LINGO2: variants seen among roughly 807,000 people sequenced by gnomAD.
The protein encoded by LINGO2 is leucine-rich repeat and immunoglobulin-like domain-containing nogo receptor-interacting protein 2.
Under a neutral mutation model 30.6 loss-of-function variants are expected in LINGO2, and 14 were observed. The observed-to-expected ratio is 0.46, with a 90% CI of 0.30 to 0.72. LINGO2 has a LOEUF of 0.72. Among genes scored for constraint, LINGO2 ranks in the 30% least tolerant of loss-of-function variants. The pLI, the probability that LINGO2 is intolerant of heterozygous loss-of-function variation, is 0.07. For synonymous variants in LINGO2, 317 were observed against 288.5 expected (o/e 1.10, Z -1.00); for missense variants, 729 against 751.7 (o/e 0.97, Z 0.35).
chr9:28,174,325 C>G (rs1311158625), intron 4 of LINGO2, among the ~76,000 whole-genome samples: 1 of 152,196 alleles, frequency 6.6e-6, no homozygotes, highest in Non-Finnish European at 1.5e-5. Flanking sequence ...TCAAAGCATA[C>G]TGGGTCAGAA....
chr9:28,657,043 A>C (rs1828375681), intron 1 of LINGO2, among the ~76,000 whole-genome samples: 1 of 152,104 alleles, frequency 6.6e-6, no homozygotes, highest in South Asian at 2.1e-4. Context: ...TTATGTGACA[A>C]CTGTTTGAAG....
At chr9:28,011,042 G>T (rs13295765) in intron 5 of LINGO2, among the ~76,000 whole-genome samples, 28 of 152,030 alleles carry the variant, frequency 1.8e-4, no homozygotes, top group African/African-American at 5.3e-4. Flanking sequence ...TAGTCAATTA[G>T]GTACAATAAC....
intron 4 of LINGO2, among the ~76,000 whole-genome samples, chr9:28,091,377 A>G (rs1826080650): frequency 6.6e-6 from 1 of 152,214 alleles, no homozygotes; most frequent in Non-Finnish European, 1.5e-5. Context: ...ATGTAGACCA[A>G]TGGAACAGAA....
At chr9:28,479,897 GTATATATACGTAGGTA>G (rs1825874148) in intron 1 of LINGO2, among the ~76,000 whole-genome samples, 1 of 104,426 alleles carries the variant, frequency 9.6e-6, no homozygotes. Context: ...GTGTGTATGT[GTATATATACGTAGGTA>G]TATATATATA....
At chr9:28,807,209 G>C in the LINGO2 span, among the ~76,000 whole-genome samples, 11 of 151,834 alleles carry the variant, frequency 7.2e-5, no homozygotes, top group African/African-American at 2.4e-4. Flanking sequence ...ATTTTTAGTA[G>C]AGACGGGGTT....
At chr9:29,208,624 C>T in the LINGO2 span, among the ~76,000 whole-genome samples, 5 of 152,078 alleles carry the variant, frequency 3.3e-5, no homozygotes, top group South Asian at 8.3e-4. Flanking sequence ...TTCTATCAAG[C>T]GCTACATTTA....
intron 4 of LINGO2, among the ~76,000 whole-genome samples, chr9:28,095,955 C>T (rs1327007264): frequency 1.3e-5 from 2 of 152,122 alleles, no homozygotes; most frequent in Non-Finnish European, 1.5e-5. Flanking sequence ...GCCTGGGCAA[C>T]ATAATGAGAT....
intron 4 of LINGO2, among the ~76,000 whole-genome samples, chr9:28,156,170 T>C (rs1040476036): frequency 3.9e-5 from 6 of 152,206 alleles, no homozygotes; most frequent in African/African-American, 1.4e-4. Flanking sequence ...TTTTTCTCAT[T>C]TCGTCTTATG....
chr9:28,866,345 G>C, the LINGO2 span, among the ~76,000 whole-genome samples: 1 of 151,932 alleles, frequency 6.6e-6, no homozygotes, highest in Non-Finnish European at 1.5e-5. Context: ...TTTTCTACTT[G>C]TGGTCAACAT....
At chr9:28,205,265 C>A (rs1300986420) in intron 4 of LINGO2, among the ~76,000 whole-genome samples, 1 of 152,138 alleles carries the variant, frequency 6.6e-6, no homozygotes, top group Admixed American at 6.5e-5. Context: ...AAGTTCCTCA[C>A]CTGAATGTTT....
chr9:28,911,957 AT>A, the LINGO2 span, among the ~76,000 whole-genome samples: 11 of 152,084 alleles, frequency 7.2e-5, no homozygotes, highest in African/African-American at 2.7e-4. Flanking sequence ...TTTTCTGAAC[AT>A]TTTTCTATAT....
chr9:28,638,542 T>A (rs142134351), intron 1 of LINGO2, among the ~76,000 whole-genome samples: 1 of 152,144 alleles, frequency 6.6e-6, no homozygotes, highest in Admixed American at 6.5e-5. Context: ...CCTGGTTTAG[T>A]CTTGGGAGGG....
At chr9:28,193,062 T>C (rs914256544) in intron 4 of LINGO2, among the ~76,000 whole-genome samples, 22 of 152,202 alleles carry the variant, frequency 1.4e-4, no homozygotes, top group African/African-American at 5.1e-4. Flanking sequence ...ACAAATTTAA[T>C]TTATTCCTAG....
the LINGO2 span, among the ~76,000 whole-genome samples, chr9:29,149,682 C>T: frequency 6.6e-6 from 1 of 151,992 alleles, no homozygotes; most frequent in African/African-American, 2.4e-5. Context: ...GATCCCACAA[C>T]CTCCACAGAC....
intron 5 of LINGO2, among the ~76,000 whole-genome samples, chr9:27,998,135 T>C (rs981446575): frequency 2.0e-5 from 3 of 152,084 alleles, no homozygotes; most frequent in Admixed American, 6.6e-5. Flanking sequence ...CTGTTTCTCT[T>C]GCTACTTGAA....
At chr9:28,250,732 C>T (rs187857962) in intron 4 of LINGO2, among the ~76,000 whole-genome samples, 249 of 152,264 alleles carry the variant, frequency 1.6e-3, no homozygotes, top group African/African-American at 5.7e-3. Context: ...ACTTTTTATC[C>T]CATGCCAGCC....
chr9:28,360,989 T>C (rs1820417072), intron 3 of LINGO2, among the ~76,000 whole-genome samples: 1 of 152,212 alleles, frequency 6.6e-6, no homozygotes, highest in South Asian at 2.1e-4. Flanking sequence ...GGTCAACAGC[T>C]GTCCAAAAAT....
chr9:28,503,182 C>G (rs1819963155), intron 1 of LINGO2, among the ~76,000 whole-genome samples: 2 of 151,996 alleles, frequency 1.3e-5, no homozygotes, highest in South Asian at 4.1e-4. Flanking sequence ...ATTACAGCCA[C>G]TATGAAGCAG....
chr9:28,183,871 G>A (rs1819446285), intron 4 of LINGO2, among the ~76,000 whole-genome samples: 1 of 152,154 alleles, frequency 6.6e-6, no homozygotes. Context: ...ACTAAAGAGA[G>A]GAATAGGTTT....
Sources: gnomAD v4.1 joint callset for allele counts (sites outside exome capture counted in the v4.1 genomes callset) on GRCh38, gnomAD v4.1.1 for gene constraint, MANE v1.5 for transcripts, NCBI Gene and HGNC (gene_info 2026-07-23, HGNC 2026-07-21) for gene names.